CCND3: variants seen among roughly 807,000 people sequenced by gnomAD.
The protein encoded by CCND3 is G1/S-specific cyclin-D3.
Under a neutral mutation model 28.7 loss-of-function variants are expected in CCND3, and 9 were observed. The observed-to-expected ratio is 0.31, with a 90% CI of 0.19 to 0.55. CCND3 has a LOEUF of 0.55. CCND3 is among the 20% of genes least tolerant of loss of function. The pLI, the probability that CCND3 is intolerant of heterozygous loss-of-function variation, is 0.93. For synonymous variants in CCND3, 164 were observed against 163.9 expected (o/e 1.00, Z 0.00); for missense variants, 315 against 385.8 (o/e 0.82, Z 1.54).
In CCND3 at chr6:42,000,564, C is replaced by CTTTTTTTTTTTTT. The variant is rs774090777; in HGVS notation, c.-46+47924_-46+47936dup. On this transcript the variant is annotated intron_variant, in intron 1 of 4. Coordinates refer to the CCND3 transcript ENST00000372988. Reference sequence around the variant, plus strand: ...TTTCTAATAACTGGGTGAAACGAATCTTTTTTTTTTTTTTTTTTCTGAGAC... The same window carrying CTTTTTTTTTTTTT: ...TTTCTAATAACTGGGTGAAACGAATCTTTTTTTTTTTTTTTTTTTTTTTTTTTTTTTCTGAGAC... Among the ~76,000 whole-genome samples the CTTTTTTTTTTTTT allele has an allele frequency of 1.5e-4, 13 of 85,514 alleles. 1 individual carries two copies. Among genetic ancestry groups the CTTTTTTTTTTTTT allele is most frequent in the Non-Finnish European group, 2.2e-4 (11 of 50,104 alleles). 56.1% of individuals were successfully genotyped at this position (85,514 alleles called of 152,430 possible). A position where few individuals can be genotyped will look rare whatever the true frequency, so the allele number is the denominator to read the frequency against.
At chr6:41,973,904 C>T (rs777415906) in intron 1 of CCND3, among the ~76,000 whole-genome samples, 13 of 152,160 alleles carry the variant, frequency 8.5e-5, no homozygotes, top group Non-Finnish European at 1.6e-4. Flanking sequence ...GCCTAGTGGG[C>T]GGGCGCAGTG....
At chr6:41,993,079 G>A (rs983616158) in intron 1 of CCND3, among the ~76,000 whole-genome samples, 3 of 152,092 alleles carry the variant, frequency 2.0e-5, no homozygotes, top group Non-Finnish European at 4.4e-5. Context: ...GCTTAAAAAT[G>A]TTTTGTAGAG....
At chr6:42,042,694 T>C (rs1024113836) in intron 1 of CCND3, among the ~76,000 whole-genome samples, 1 of 152,152 alleles carries the variant, frequency 6.6e-6, no homozygotes, top group African/African-American at 2.4e-5. Flanking sequence ...CTGCCTCCCC[T>C]GTGCCTCAGT....
At position 41,941,038 on chromosome 6, in the gene CCND3, C is replaced by T. The variant is rs776071710; in HGVS notation, c.198+414G>A. ...GGAACAGGGCGCGCGCCACCCCCAT[C>T]GCCTTCCCCGCCAGAACCCCGCGAA... On this transcript the variant is annotated intron_variant, in intron 1 of 4. Coordinates refer to ENST00000372991, the MANE Select transcript of CCND3 (RefSeq NM_001760.5). This position sits in a 1 kb window ranked among gnomAD's most constrained non-coding sequence, Gnocchi z 6.1. The T allele has an allele frequency of 8.7e-6, 14 of 1,602,662 alleles. No homozygotes were observed. The highest frequency in any genetic ancestry group is 1.7e-4 in the Middle Eastern group (1 of 6,032).
Position 41,941,609 on chromosome 6 carries a change from C to A in CCND3, c.41G>T (p.Arg14Leu). The change falls in exon 1 of 5, where the codon CGG (arginine) becomes CTG (leucine). Residue 14 changes from arginine (R) to leucine (L), a missense_variant. Transcript: ENST00000372991. This position sits in a 1 kb window ranked among gnomAD's most constrained non-coding sequence, Gnocchi z 6.1. ...CAGCAGCCGCGGGTCCGGCCCGGCC[C>A]GGGGCGCGTGCCGGGTGCCTTCGCA... is the stretch of plus-strand genomic sequence containing the variant. ...LCCEGTRHAPRAGPDPRLLGD... is the reference protein window; with the variant it reads ...LCCEGTRHAPLAGPDPRLLGD... The A allele has an allele frequency of 6.6e-7, 1 of 1,523,526 alleles. No homozygotes were observed. Among genetic ancestry groups the A allele is most frequent in the Non-Finnish European group, 8.8e-7 (1 of 1,133,096 alleles). 94.4% of individuals were successfully genotyped at this position (1,523,526 alleles called of 1,614,324 possible).
chr6:42,045,923 C>T (rs148041906), intron 1 of CCND3, among the ~76,000 whole-genome samples: 3 of 152,298 alleles, frequency 2.0e-5, no homozygotes, highest in African/African-American at 7.2e-5. Flanking sequence ...CCAAGGGCTC[C>T]GCTGCACCCC....
chr6:42,002,953 G>A (rs1481263018), intron 1 of CCND3, among the ~76,000 whole-genome samples: 1 of 152,000 alleles, frequency 6.6e-6, no homozygotes. Flanking sequence ...ACCTGAGGTT[G>A]GGAGTTTGAG....
At chr6:42,046,653 CG>C (rs1764554260) in intron 1 of CCND3, among the ~76,000 whole-genome samples, 1 of 152,172 alleles carries the variant, frequency 6.6e-6, no homozygotes, top group African/African-American at 2.4e-5. Flanking sequence ...CACACGCGCG[CG>C]CACACACACA....
At chr6:41,981,523 T>C (rs957127553) in intron 1 of CCND3, among the ~76,000 whole-genome samples, 2 of 150,062 alleles carry the variant, frequency 1.3e-5, no homozygotes, top group Non-Finnish European at 3.0e-5. Flanking sequence ...ACGCCCAGCC[T>C]ATTTATTTAT....
chr6:42,005,495 C>T (rs1372002970), intron 1 of CCND3, among the ~76,000 whole-genome samples: 1 of 129,290 alleles, frequency 7.7e-6, no homozygotes, highest in Admixed American at 9.7e-5. Flanking sequence ...GAGCTGAGAT[C>T]GTGCCACTGC....
intron 1 of CCND3, among the ~76,000 whole-genome samples, chr6:41,979,330 G>A (rs949282260): frequency 2.1e-4 from 32 of 151,730 alleles, no homozygotes; most frequent in Admixed American, 1.8e-3. Context: ...TCAGGAGATC[G>A]AGACCATCCT....
intron 1 of CCND3, among the ~76,000 whole-genome samples, chr6:41,960,879 A>G (rs891640193): frequency 2.0e-5 from 3 of 152,160 alleles, no homozygotes; most frequent in Non-Finnish European, 4.4e-5. Context: ...CAGTCATTCA[A>G]TCCCCTTGCT....
intron 1 of CCND3, among the ~76,000 whole-genome samples, chr6:42,013,507 TA>T (rs1262776273): frequency 6.6e-6 from 1 of 152,196 alleles, no homozygotes; most frequent in African/African-American, 2.4e-5. Flanking sequence ...AGACATTCAA[TA>T]AATACATGTT....
rs1044754772 is a variant in CCND3 at position 41,935,692 on chromosome 6, G to T, written c.*248C>A. On this transcript the variant is annotated 3_prime_UTR_variant, in exon 5 of 5. Transcript: ENST00000372991. ...CATCAGCCTGGCCCACCCCCAGCTA[G>T]AGTTGGGAAAGGCGCTGCTGGTCAG... 1.8e-6 allele frequency: 1 copy of T among 542,490 alleles called. No homozygotes were observed. Among genetic ancestry groups the T allele is most frequent in the African/African-American group, 1.9e-5 (1 of 53,218 alleles). 33.6% of individuals were successfully genotyped at this position (542,490 alleles called of 1,614,324 possible).
chr6:42,008,148 A>C (rs1490875764), intron 1 of CCND3, among the ~76,000 whole-genome samples: 1 of 152,098 alleles, frequency 6.6e-6, no homozygotes. Flanking sequence ...TGGGAGGTCG[A>C]GGTGGGCAGA....
chr6:42,010,881 T>G lies in CCND3; in HGVS notation c.-46+37620A>C, dbSNP rs1298193517. ...CCTCTATAGGCAACTATCTTCTTCT[T>G]TTTTTCTAAATAGACTGTTTTTTAG... is the stretch of plus-strand genomic sequence containing the variant. On this transcript the variant is annotated intron_variant, in intron 1 of 4. Coordinates refer to the CCND3 transcript ENST00000372988. The G allele has an allele frequency of 8.7e-5, 13 of 149,942 alleles. 1 individual carries two copies. Among genetic ancestry groups the G allele is most frequent in the Non-Finnish European group, 1.5e-5 (1 of 68,010 alleles). 9.3% of individuals were successfully genotyped at this position (149,942 alleles called of 1,614,324 possible). A position where few individuals can be genotyped will look rare whatever the true frequency, so the allele number is the denominator to read the frequency against.
chr6:41,955,725 C>T (rs1168829378), intron 1 of CCND3, among the ~76,000 whole-genome samples: 5 of 151,144 alleles, frequency 3.3e-5, no homozygotes, highest in Non-Finnish European at 7.4e-5. Flanking sequence ...GAGGATTGCT[C>T]GAGGCCAGGA....
intron 1 of CCND3, among the ~76,000 whole-genome samples, chr6:41,978,160 G>A (rs977782286): frequency 6.6e-6 from 1 of 151,660 alleles, no homozygotes; most frequent in Non-Finnish European, 1.5e-5. Flanking sequence ...GGATCACGAG[G>A]TCAGGAGATC....
intron 1 of CCND3, among the ~76,000 whole-genome samples, chr6:42,008,217 C>G (rs919819962): frequency 6.6e-6 from 1 of 152,022 alleles, no homozygotes. Context: ...CCCATCCCTA[C>G]TAAAAATACA....
Sources: allele counts gnomAD v4.1 joint callset (sites outside exome capture counted in the v4.1 genomes callset), GRCh38; gene constraint gnomAD v4.1.1; non-coding constraint Gnocchi (gnomAD v3.1); transcripts MANE v1.5; gene names NCBI Gene and HGNC (gene_info 2026-07-23, HGNC 2026-07-21).